Variants in FNDC3B observed in about 807,000 individuals in gnomAD.
FNDC3B encodes the protein fibronectin type III domain containing 3B.
In FNDC3B, 12 loss-of-function variants were observed where a neutral mutation model predicts 151.5. The observed-to-expected ratio is 0.08, with a 90% CI of 0.05 to 0.13. The LOEUF is 0.13. Among genes scored for constraint, FNDC3B ranks in the 10% least tolerant of loss-of-function variants. The pLI, the probability that FNDC3B is intolerant of heterozygous loss-of-function variation, is 1.00. For missense variants in FNDC3B, 1,214 were observed against 1,505.3 expected, an observed-to-expected ratio of 0.81 and a Z score of 3.20; for synonymous variants, 528 against 549.0, an observed-to-expected ratio of 0.96 and a Z score of 0.54.
intron 3 of FNDC3B, among the ~76,000 whole-genome samples, chr3:172,185,417 GA>G (rs1724119358): frequency 1.3e-5 from 2 of 151,286 alleles, no homozygotes; most frequent in Non-Finnish European, 2.9e-5. Flanking sequence ...CCGCACCTCT[GA>G]AAAATTGCAT....
chr3:172,328,779 A>G (rs1328590767), intron 11 of FNDC3B, among the ~76,000 whole-genome samples, 173 bp from the exon 12 acceptor site: 1 of 152,188 alleles, frequency 6.6e-6, no homozygotes, highest in Admixed American at 6.5e-5. Flanking sequence ...TTCATTGTAG[A>G]ATGCTTTATT....
At chr3:172,067,977 C>T (rs1332842753) in intron 1 of FNDC3B, among the ~76,000 whole-genome samples, 1 of 152,172 alleles carries the variant, frequency 6.6e-6, no homozygotes, top group Admixed American at 6.5e-5. Flanking sequence ...ACATGGCCTC[C>T]CTGTGTCTCT....
At chr3:172,084,989 A>G (rs769147241) in intron 1 of FNDC3B, among the ~76,000 whole-genome samples, 2 of 152,178 alleles carry the variant, frequency 1.3e-5, no homozygotes, top group Non-Finnish European at 1.5e-5. Context: ...ACAGCATATT[A>G]ATGCATAGTG....
chr3:172,339,000 G>A (rs1733143598), intron 16 of FNDC3B, among the ~76,000 whole-genome samples: 1 of 151,866 alleles, frequency 6.6e-6, no homozygotes, highest in South Asian at 2.1e-4. Flanking sequence ...GTCTTCCAAA[G>A]TGCTGGGATT....
At chr3:172,051,083 CTTT>C (rs550247058) in intron 1 of FNDC3B, among the ~76,000 whole-genome samples, 4 of 137,758 alleles carry the variant, frequency 2.9e-5, no homozygotes, top group Admixed American at 1.5e-4. Flanking sequence ...TTTCTTTCTT[CTTT>C]TTTTTTTTTT....
chr3:172,215,516 G>C (rs1725930850), intron 3 of FNDC3B, among the ~76,000 whole-genome samples: 1 of 152,218 alleles, frequency 6.6e-6, no homozygotes, highest in African/African-American at 2.4e-5. Flanking sequence ...CTGAGGTCAA[G>C]AGTTCGAGAC....
chr3:172,208,659 ACCTCTGG>A (rs1344215873), intron 3 of FNDC3B, among the ~76,000 whole-genome samples: 2 of 151,816 alleles, frequency 1.3e-5, no homozygotes, highest in Admixed American at 1.3e-4. Flanking sequence ...CCAGCCAGAA[ACCTCTGG>A]CCGGCGGCGC....
At chr3:172,188,855 G>T (rs1724350415) in intron 3 of FNDC3B, among the ~76,000 whole-genome samples, 1 of 152,122 alleles carries the variant, frequency 6.6e-6, no homozygotes, top group South Asian at 2.1e-4. Context: ...CCCGCTTCCT[G>T]CACTGCTCCC....
rs564003935 is a variant in FNDC3B at position 172,290,673 on chromosome 3, C to A, written c.849+4689C>A. On this transcript the variant is annotated intron_variant, in intron 7 of 25. Transcript: ENST00000415807. ...CGAGTAAACTGACCTGCGAGGAACA[C>A]TTCCCCTGTAAGAAGCAATCCCTTG... Among the ~76,000 whole-genome samples, 18 of 152,348 alleles carry A rather than the reference C, an allele frequency of 1.2e-4. No homozygotes were observed. The East Asian group carries it at 3.1e-3, about 26-fold the overall frequency.
In FNDC3B at chr3:172,097,952, G is replaced by T. The variant is rs554919294; in HGVS notation, c.-28-14500G>T. Reference sequence around the variant, plus strand: ...TGATAGATTAGTAGAACTGGCAGGGGCATTGGTCATGGAATTCAGTCCTTT... The same window carrying T: ...TGATAGATTAGTAGAACTGGCAGGGTCATTGGTCATGGAATTCAGTCCTTT... On this transcript the variant is annotated intron_variant, in intron 1 of 25. Coordinates refer to ENST00000415807, the MANE Select transcript of FNDC3B (RefSeq NM_022763.4). Among the ~76,000 whole-genome samples the T allele has an allele frequency of 9.0e-4, 137 of 152,154 alleles. 1 individual carries two copies. Among genetic ancestry groups the T allele is most frequent in the African/African-American group, 3.0e-3 (123 of 41,508 alleles).
intron 2 of FNDC3B, among the ~76,000 whole-genome samples, chr3:172,129,522 TCTC>T (rs1366917018): frequency 6.6e-6 from 1 of 152,214 alleles, no homozygotes; most frequent in Non-Finnish European, 1.5e-5. Context: ...TTCTTTCAGT[TCTC>T]CTGTTAGACA....
intron 3 of FNDC3B, among the ~76,000 whole-genome samples, chr3:172,216,818 C>T (rs771947739): frequency 3.9e-5 from 6 of 152,168 alleles, no homozygotes; most frequent in Non-Finnish European, 7.4e-5. Flanking sequence ...TCAGCTTCAC[C>T]GTCACTCTGG....
chr3:172,384,321 C>A (rs557320616), intron 25 of FNDC3B, among the ~76,000 whole-genome samples: 8 of 152,102 alleles, frequency 5.3e-5, no homozygotes, highest in Non-Finnish European at 1.0e-4. Flanking sequence ...ACTATGGTTC[C>A]TTTTATTTTT....
intron 1 of FNDC3B, among the ~76,000 whole-genome samples, chr3:172,096,997 C>G (rs1719122884): frequency 6.6e-6 from 1 of 152,162 alleles, no homozygotes; most frequent in African/African-American, 2.4e-5. Context: ...CTGTACTTTT[C>G]AAGCAAGAGC....
chr3:172,251,734 T>C (rs1326240450), intron 6 of FNDC3B, among the ~76,000 whole-genome samples, 193 bp downstream of exon 6: 1 of 152,252 alleles, frequency 6.6e-6, no homozygotes, highest in Non-Finnish European at 1.5e-5. Context: ...TATTAATACT[T>C]CATGGCAGAA....
intron 3 of FNDC3B, among the ~76,000 whole-genome samples, chr3:172,194,478 A>G (rs1724728405): frequency 6.6e-6 from 1 of 152,164 alleles, no homozygotes; most frequent in African/African-American, 2.4e-5. Context: ...CTCCAAAGTT[A>G]TTGTTTTCTG....
intron 3 of FNDC3B, among the ~76,000 whole-genome samples, chr3:172,218,968 G>A (rs1197231791): frequency 6.6e-6 from 1 of 152,200 alleles, no homozygotes; most frequent in Non-Finnish European, 1.5e-5. Flanking sequence ...AGGAACAAGA[G>A]ATCTTGCTTT....
intron 1 of FNDC3B, among the ~76,000 whole-genome samples, chr3:172,058,006 G>C (rs1029221698): frequency 4.0e-5 from 6 of 151,806 alleles, no homozygotes; most frequent in African/African-American, 1.2e-4. Flanking sequence ...CTCTATTATT[G>C]AGACATTTGG....
rs528025587 is a variant in FNDC3B, at chr3:172,349,253, G to A, written c.2514+1892G>A. Among the ~76,000 whole-genome samples, 8 of 152,268 alleles carry A rather than the reference G, an allele frequency of 5.3e-5. No individual in the cohort carries two copies. In the East Asian group the frequency reaches 1.3e-3, roughly 26 times the overall value. On this transcript the variant is annotated intron_variant, in intron 21 of 25. Transcript: ENST00000415807. ...TGTGACTGCACCACTGTAGGCCAGCGTGGGCGACAGAGTGAGAGCCTGTCT... is the reference window on the plus strand; with the variant it reads ...TGTGACTGCACCACTGTAGGCCAGCATGGGCGACAGAGTGAGAGCCTGTCT...
Sources: gnomAD v4.1 joint callset for allele counts (sites outside exome capture counted in the v4.1 genomes callset) on GRCh38, gnomAD v4.1.1 for gene constraint, MANE v1.5 for transcripts, NCBI Gene and HGNC (gene_info 2026-07-23, HGNC 2026-07-21) for gene names.